The following ZNF385D variants were observed in gnomAD, a reference collection of about 807,000 sequenced individuals.
ZNF385D encodes zinc finger protein 659.
Under a neutral mutation model 35.8 loss-of-function variants are expected in ZNF385D, and 15 were observed. That is an observed-to-expected ratio of 0.42 (90% CI 0.28 to 0.64). ZNF385D has a LOEUF of 0.64. Ranked by LOEUF, ZNF385D falls within the 30% of genes least tolerant of loss-of-function variation. The pLI, the probability that ZNF385D is intolerant of heterozygous loss-of-function variation, is 0.23. For missense variants in ZNF385D, 474 were observed against 494.6 expected (o/e 0.96, Z 0.39); for synonymous variants, 212 against 186.8 (o/e 1.13, Z -1.10).
intron 3 of ZNF385D, among the ~76,000 whole-genome samples, chr3:21,844,473 G>A (rs2630799): frequency 0.38 from 57,635 of 150,816 alleles, 11,941 homozygotes; most frequent in Middle Eastern, 0.47. Context: ...AAAGTTGTCC[G>A]AAGCTCACTT....
At chr3:21,681,313 A>AAAAC (rs1376996489) in intron 1 of ZNF385D, among the ~76,000 whole-genome samples, 13 of 150,280 alleles carry the variant, frequency 8.7e-5, no homozygotes, top group Middle Eastern at 3.4e-3. Context: ...AAAAAAAAAA[A>AAAAC]AAAAAAAAAA....
chr3:21,780,951 T>C (rs773476029), intron 3 of ZNF385D, among the ~76,000 whole-genome samples: 4 of 152,036 alleles, frequency 2.6e-5, no homozygotes, highest in Admixed American at 2.6e-4. Flanking sequence ...GGCATCAACA[T>C]AAAATCTCCA....
At chr3:21,595,300 T>C (rs901847987) in intron 2 of ZNF385D, among the ~76,000 whole-genome samples, 3 of 152,060 alleles carry the variant, frequency 2.0e-5, no homozygotes, top group Non-Finnish European at 4.4e-5. Context: ...TATTCACATA[T>C]AGGTCTTCAC....
intron 1 of ZNF385D, among the ~76,000 whole-genome samples, chr3:21,717,827 A>G (rs1323007741): frequency 6.6e-6 from 1 of 152,190 alleles, no homozygotes; most frequent in Non-Finnish European, 1.5e-5. Flanking sequence ...TGGAACTGTG[A>G]GTCCATTAAA....
intron 2 of ZNF385D, among the ~76,000 whole-genome samples, chr3:22,359,481 G>A (rs775724213): frequency 7.9e-5 from 12 of 151,840 alleles, no homozygotes; most frequent in Non-Finnish European, 1.0e-4. Flanking sequence ...CAGCAATGGC[G>A]ATTTCCAGAA....
intron 4 of ZNF385D, among the ~76,000 whole-genome samples, chr3:21,492,556 G>A (rs1373268761): frequency 6.6e-6 from 1 of 151,554 alleles, no homozygotes; most frequent in African/African-American, 2.4e-5. Context: ...GCCAAGAAAG[G>A]AGGATCACTT....
At chr3:21,800,388 C>A (rs1167565339) in intron 3 of ZNF385D, among the ~76,000 whole-genome samples, 1 of 152,222 alleles carries the variant, frequency 6.6e-6, no homozygotes, top group East Asian at 1.9e-4. Context: ...CATGGAATTT[C>A]CTTTCATTTA....
chr3:21,770,179 A>C (rs1223214566), intron 3 of ZNF385D, among the ~76,000 whole-genome samples: 1 of 152,220 alleles, frequency 6.6e-6, no homozygotes, highest in Non-Finnish European at 1.5e-5. Flanking sequence ...AGGCATGCGC[A>C]AGGACTTCAT....
In ZNF385D at chr3:21,865,706, C is replaced by T. The variant is rs182217397; in HGVS notation, c.326-200678G>A. ...AACTTAGTTTATGGAAGAACTTGAG[C>T]TTTCATTTACACAAACAGAATTTTG... On this transcript the variant is annotated intron_variant, in intron 3 of 5. Coordinates refer to the ZNF385D transcript ENST00000494108. 2.1e-3 allele frequency among the ~76,000 whole-genome samples: 321 copies of T among 152,198 alleles called. 4 individuals carry two copies. The highest frequency in any genetic ancestry group is 7.4e-3 in the African/African-American group (309 of 41,546).
intron 3 of ZNF385D, among the ~76,000 whole-genome samples, chr3:21,968,079 G>C (rs973608537): frequency 1.3e-5 from 2 of 152,164 alleles, no homozygotes; most frequent in South Asian, 2.1e-4. Context: ...GTACGGTGCA[G>C]AGAGAGTATC....
At chr3:21,939,779 G>C (rs554854015) in intron 3 of ZNF385D, among the ~76,000 whole-genome samples, 23 of 152,284 alleles carry the variant, frequency 1.5e-4, no homozygotes, top group African/African-American at 5.5e-4. Flanking sequence ...TTCGATAGGA[G>C]AAAGACTTTG....
chr3:22,153,035 C>T (rs1188464821), intron 3 of ZNF385D, among the ~76,000 whole-genome samples: 1 of 152,148 alleles, frequency 6.6e-6, no homozygotes, highest in Non-Finnish European at 1.5e-5. Flanking sequence ...TGTTACAAAC[C>T]ATGGCTTTTA....
intron 3 of ZNF385D, among the ~76,000 whole-genome samples, chr3:22,144,729 C>G (rs559772751): frequency 6.6e-6 from 1 of 151,662 alleles, no homozygotes; most frequent in Non-Finnish European, 1.5e-5. Context: ...ATTATGTGTA[C>G]AATTATTCAA....
At chr3:21,786,747 T>G (rs2071704098) in intron 3 of ZNF385D, among the ~76,000 whole-genome samples, 1 of 152,200 alleles carries the variant, frequency 6.6e-6, no homozygotes, top group African/African-American at 2.4e-5. Context: ...CATTATGCTT[T>G]TGCCATGTCC....
At chr3:21,457,675 G>A (rs994240597) in intron 4 of ZNF385D, among the ~76,000 whole-genome samples, 11 of 152,074 alleles carry the variant, frequency 7.2e-5, no homozygotes, top group Non-Finnish European at 1.0e-4. Context: ...TTTCAATGAC[G>A]AATTTATTAC....
intron 5 of ZNF385D, among the ~76,000 whole-genome samples, chr3:21,427,295 G>T (rs1701065449): frequency 6.6e-6 from 1 of 152,164 alleles, no homozygotes; most frequent in Admixed American, 6.5e-5. Context: ...TTTCTATGCA[G>T]CTCCTTCAGT....
chr3:22,174,978 G>C (rs527380806), intron 2 of ZNF385D, among the ~76,000 whole-genome samples: 2 of 151,988 alleles, frequency 1.3e-5, no homozygotes, highest in South Asian at 4.1e-4. Flanking sequence ...ATTCTGAAAA[G>C]AAGAATCCAC....
At chr3:22,269,100 A>C (rs1188020317) in intron 2 of ZNF385D, among the ~76,000 whole-genome samples, 1 of 152,002 alleles carries the variant, frequency 6.6e-6, no homozygotes, top group Non-Finnish European at 1.5e-5. Flanking sequence ...ATGAACAAAC[A>C]AACAAACAGC....
intron 3 of ZNF385D, among the ~76,000 whole-genome samples, chr3:21,556,068 G>GTTTTTTTTTTTTTTTTTTT (rs148079775): frequency 5.5e-4 from 54 of 99,046 alleles, no homozygotes; most frequent in Non-Finnish European, 6.2e-4. Flanking sequence ...TTTTGTTTTT[G>GTTTTTTTTTTTTTTTTTTT]TTTTTTTTTT....
Sources: allele counts gnomAD v4.1 joint callset (sites outside exome capture counted in the v4.1 genomes callset), GRCh38; gene constraint gnomAD v4.1.1; transcripts MANE v1.5; gene names NCBI Gene and HGNC (gene_info 2026-07-23, HGNC 2026-07-21).